Variants in PUDP observed in about 807,000 individuals in gnomAD.
The protein encoded by PUDP is pseudouridine-5'-phosphatase.
A neutral mutation model predicts 9.4 loss-of-function variants in PUDP; 8 were observed. The ratio of observed to expected loss-of-function variants is 0.85; its 90% CI spans 0.50 to 1.53. The LOEUF (loss-of-function observed/expected upper bound fraction) is 1.53, where lower values mean the gene tolerates loss of function less well. Ranked by LOEUF, PUDP falls within the 40% of genes most tolerant of loss-of-function variation. The pLI is 0.00. For missense variants in PUDP, 188 were observed against 189.7 expected (o/e 0.99, Z 0.05); for synonymous variants, 99 against 80.7 (o/e 1.23, Z -1.22).
At chrX:7,117,828 G>A (rs1036591699) in intron 1 of PUDP, among the ~76,000 whole-genome samples, 5 of 113,097 alleles carry the variant, frequency 4.4e-5, no homozygotes, top group South Asian at 3.6e-4. Context: ...GCCTAGAAGA[G>A]AAGGGTGGTT....
At chrX:7,042,372 A>G (rs1929933707) in intron 1 of PUDP, among the ~76,000 whole-genome samples, 2 of 111,586 alleles carry the variant, frequency 1.8e-5, no homozygotes, top group Admixed American at 9.5e-5. Context: ...TTCATTTGGC[A>G]TGCTCCAAAG....
intron 3 of PUDP, among the ~76,000 whole-genome samples, chrX:6,781,178 ACAGCAATCACATATCACAC>A (rs1328583936): frequency 2.7e-5 from 3 of 111,900 alleles, no homozygotes; most frequent in South Asian, 3.8e-4. Context: ...AACAACAGCA[ACAGCAATCACATATCACAC>A]CAGCAATCAC....
chrX:7,118,538 T>G (rs770192907), intron 1 of PUDP, among the ~76,000 whole-genome samples: 1 of 112,032 alleles, frequency 8.9e-6, no homozygotes, highest in East Asian at 2.8e-4. Flanking sequence ...CACTGCTCCT[T>G]GCTGCTATAT....
intron 3 of PUDP, among the ~76,000 whole-genome samples, chrX:6,894,786 C>T (rs1354020827): frequency 9.0e-6 from 1 of 111,724 alleles, no homozygotes; most frequent in Non-Finnish European, 1.9e-5. Context: ...CTCACATGTA[C>T]CCCAAACCAG....
chrX:6,974,135 G>A (rs1928919197), intron 3 of PUDP, among the ~76,000 whole-genome samples: 1 of 111,888 alleles, frequency 8.9e-6, no homozygotes, highest in South Asian at 3.8e-4. Flanking sequence ...ACAGCACACT[G>A]ATGGGTCTTG....
At chrX:7,067,837 A>G (rs1335812241) in intron 3 of PUDP, among the ~76,000 whole-genome samples, 1 of 111,414 alleles carries the variant, frequency 9.0e-6, no homozygotes, top group Non-Finnish European at 1.9e-5. Context: ...GTGGAAGGTA[A>G]TTGAATCAGG....
At chrX:6,804,009 T>C (rs767182727) in intron 3 of PUDP, among the ~76,000 whole-genome samples, 94 of 112,055 alleles carry the variant, frequency 8.4e-4, no homozygotes, top group Non-Finnish European at 1.6e-3. Flanking sequence ...TATTTTTTCA[T>C]TGATTTTTCA....
chrX:6,857,674 T>C (rs571263352), intron 3 of PUDP, among the ~76,000 whole-genome samples: 7 of 111,688 alleles, frequency 6.3e-5, no homozygotes, highest in African/African-American at 2.3e-4. Context: ...CCTCAAGCAG[T>C]CCTCCCACCT....
chrX:6,919,644 C>T (rs1341060353), intron 3 of PUDP, among the ~76,000 whole-genome samples: 1 of 109,169 alleles, frequency 9.2e-6, no homozygotes, highest in East Asian at 2.9e-4. Context: ...GTGGCCAAAA[C>T]TGTGATTGTA....
intron 1 of PUDP, among the ~76,000 whole-genome samples, chrX:6,982,145 A>AAG (rs1288453930): frequency 9.1e-6 from 1 of 109,577 alleles, no homozygotes; most frequent in Non-Finnish European, 1.9e-5. Context: ...GCATATACCC[A>AAG]AGAGAAATTA....
intron 3 of PUDP, among the ~76,000 whole-genome samples, chrX:6,746,985 C>T (rs965036504): frequency 1.5e-4 from 17 of 111,195 alleles, no homozygotes; most frequent in East Asian, 5.6e-4. Flanking sequence ...TTTGAGGAAT[C>T]GCCACACTGT....
chrX:7,004,931 AG>A (rs1173865480), intron 1 of PUDP, among the ~76,000 whole-genome samples: 1 of 112,576 alleles, frequency 8.9e-6, no homozygotes, highest in Non-Finnish European at 1.9e-5. Context: ...TTAGAAGCAC[AG>A]GAGACAATTC....
Position 7,049,995 on chromosome X carries a change from T to C in PUDP, c.*301A>G, listed in dbSNP as rs41309555. On this transcript the variant is annotated 3_prime_UTR_variant, in exon 4 of 4. Transcript: ENST00000381077. ...ATGTATATATGGAGGTGTGTGTGTATATACATGTACATTCACTTTATCACA... is the reference window on the plus strand; with the variant it reads ...ATGTATATATGGAGGTGTGTGTGTACATACATGTACATTCACTTTATCACA... The C allele has an allele frequency of 2.9e-5, 8 of 279,601 alleles. No homozygotes were observed. Among genetic ancestry groups the C allele is most frequent in the African/African-American group, 5.4e-5 (2 of 37,309 alleles). The allele number at this position is 279,601 out of a possible 1,213,427, so 23.0% of individuals were successfully genotyped here.
intron 1 of PUDP, among the ~76,000 whole-genome samples, chrX:7,143,017 T>C (rs961157345): frequency 1.8e-5 from 2 of 111,445 alleles, no homozygotes; most frequent in Non-Finnish European, 3.8e-5. Context: ...GTTTTATTTT[T>C]TAAAATTGCC....
At chrX:7,081,558 A>G (rs1931088341) in intron 2 of PUDP, among the ~76,000 whole-genome samples, 1 of 112,877 alleles carries the variant, frequency 8.9e-6, no homozygotes, top group Admixed American at 9.3e-5. Flanking sequence ...ACTGGAATGC[A>G]GCTCAACATT....
chrX:6,867,604 G>C (rs868222535), intron 3 of PUDP, among the ~76,000 whole-genome samples: 2 of 110,554 alleles, frequency 1.8e-5, no homozygotes, highest in African/African-American at 6.6e-5. Context: ...CGGTGTTGTT[G>C]GTGATGGTGA....
At chrX:6,805,849 C>A (rs1926042437) in intron 3 of PUDP, among the ~76,000 whole-genome samples, 1 of 111,229 alleles carries the variant, frequency 9.0e-6, no homozygotes, top group Non-Finnish European at 1.9e-5. Flanking sequence ...CAAGATAAAT[C>A]ATGTTGTGAA....
At chrX:6,812,285 T>G (rs1482866569) in intron 3 of PUDP, among the ~76,000 whole-genome samples, 1 of 112,195 alleles carries the variant, frequency 8.9e-6, no homozygotes, top group Non-Finnish European at 1.9e-5. Flanking sequence ...CAGGTAACTC[T>G]GCAAAACTCA....
At chrX:6,786,891 G>GT (rs1925656629) in intron 3 of PUDP, among the ~76,000 whole-genome samples, 1 of 111,414 alleles carries the variant, frequency 9.0e-6, no homozygotes, top group African/African-American at 3.3e-5. Flanking sequence ...TTGTTTGTTT[G>GT]TTTTTTCAAT....
Sources: gnomAD v4.1 joint callset for allele counts (sites outside exome capture counted in the v4.1 genomes callset) on GRCh38, gnomAD v4.1.1 for gene constraint, MANE v1.5 for transcripts, NCBI Gene and HGNC (gene_info 2026-07-23, HGNC 2026-07-21) for gene names.